Variants in PPP2R2B observed in about 807,000 individuals in gnomAD.
PPP2R2B encodes serine/threonine-protein phosphatase 2A 55 kDa regulatory subunit B beta isoform.
In PPP2R2B, 5 loss-of-function variants were observed where a neutral mutation model predicts 46.0. That is an observed-to-expected ratio of 0.11 (90% CI 0.06 to 0.23). PPP2R2B has a LOEUF of 0.23. Among genes scored for constraint, PPP2R2B ranks in the 10% least tolerant of loss-of-function variants. PPP2R2B has a pLI of 1.00. For synonymous variants in PPP2R2B, 215 were observed against 206.7 expected (o/e 1.04, Z -0.34); for missense variants, 367 against 575.0 (o/e 0.64, Z 3.70).
Position 146,678,806 on chromosome 5 carries a change from G to A in PPP2R2B, c.447+12322C>T, listed in dbSNP as rs1777922486. Among the ~76,000 whole-genome samples the A allele has an allele frequency of 1.6e-5, 2 of 123,810 alleles. 1 individual carries two copies. The highest frequency in any genetic ancestry group is 1.5e-4 in the Admixed American group (2 of 12,968). 81.2% of individuals were successfully genotyped at this position (123,810 alleles called of 152,430 possible). A position where few individuals can be genotyped will look rare whatever the true frequency, so the allele number is the denominator to read the frequency against. On this transcript the variant is annotated intron_variant, in intron 5 of 9. Transcript: ENST00000394411. ...CTCCCATTCACAATTGCTTCAAAGA[G>A]AATAAAATACCTAGGAATCCAACTT...
intron 2 of PPP2R2B, among the ~76,000 whole-genome samples, chr5:146,826,852 T>C (rs1188187488): frequency 6.6e-6 from 1 of 152,142 alleles, no homozygotes; most frequent in Non-Finnish European, 1.5e-5. Flanking sequence ...GCCTACACCA[T>C]ACATCTGTCA....
At chr5:146,951,148 T>C (rs1173130198) in intron 1 of PPP2R2B, among the ~76,000 whole-genome samples, 1 of 152,054 alleles carries the variant, frequency 6.6e-6, no homozygotes, top group Admixed American at 6.6e-5. Context: ...GCATTATTTC[T>C]GAGAATGGTA....
intron 1 of PPP2R2B, among the ~76,000 whole-genome samples, chr5:146,940,561 G>T (rs1384726513): frequency 6.6e-6 from 1 of 151,380 alleles, no homozygotes; most frequent in African/African-American, 2.4e-5. Flanking sequence ...TATCTAAAAA[G>T]GGAGCACAGT....
chr5:146,753,771 T>C (rs967689608), intron 2 of PPP2R2B, among the ~76,000 whole-genome samples: 5 of 152,156 alleles, frequency 3.3e-5, no homozygotes, highest in African/African-American at 4.8e-5. Context: ...TTCCTTTTCA[T>C]TGAAATCCAC....
At chr5:146,931,147 G>A (rs1043366643) in intron 1 of PPP2R2B, among the ~76,000 whole-genome samples, 3 of 152,128 alleles carry the variant, frequency 2.0e-5, no homozygotes, top group African/African-American at 7.2e-5. Flanking sequence ...ATAGTTGAAA[G>A]GAGGAGAAAG....
intron 2 of PPP2R2B, among the ~76,000 whole-genome samples, chr5:146,809,645 C>T (rs114171756): frequency 0.031 from 4,655 of 152,214 alleles, 85 homozygotes; most frequent in Non-Finnish European, 0.044. Flanking sequence ...AGGAGTGGGC[C>T]ACGAGGCTGT....
chr5:146,861,819 A>C (rs941239528), intron 2 of PPP2R2B, among the ~76,000 whole-genome samples: 18 of 150,400 alleles, frequency 1.2e-4, no homozygotes, highest in African/African-American at 3.7e-4. Context: ...TTTATCATGG[A>C]TGAAGCTACC....
At chr5:146,646,781 TATC>T (rs1241410595) in intron 6 of PPP2R2B, among the ~76,000 whole-genome samples, 1 of 152,170 alleles carries the variant, frequency 6.6e-6, no homozygotes. Flanking sequence ...TCTCAATAAT[TATC>T]ATGATTGTGC....
At chr5:146,978,162 C>T (rs920391867) in intron 1 of PPP2R2B, among the ~76,000 whole-genome samples, 23 of 152,160 alleles carry the variant, frequency 1.5e-4, no homozygotes, top group African/African-American at 5.6e-4. Context: ...TTGTTGGCCA[C>T]TTAAATGTCT....
chr5:146,636,700 C>G (rs986368231), intron 7 of PPP2R2B, among the ~76,000 whole-genome samples: 1 of 152,318 alleles, frequency 6.6e-6, no homozygotes, highest in Admixed American at 6.5e-5. Context: ...TAAGTACTCA[C>G]TGAATGCATG....
chr5:146,951,684 A>G lies in PPP2R2B; in HGVS notation c.79+103981T>C, dbSNP rs192875946. On this transcript the variant is annotated intron_variant, in intron 1 of 8. Coordinates refer to the PPP2R2B transcript ENST00000336640. Reference sequence around the variant, plus strand: ...CTTCATCCATGTCCCTGCAAAGGACATGATCTCATTCCTTTTTATGGCTGC... The same window carrying G: ...CTTCATCCATGTCCCTGCAAAGGACGTGATCTCATTCCTTTTTATGGCTGC... Among the ~76,000 whole-genome samples the G allele has an allele frequency of 4.5e-4, 69 of 152,258 alleles. 2 individuals are homozygous for G. Among genetic ancestry groups the G allele is most frequent in the Admixed American group, 3.3e-3 (50 of 15,272 alleles).
At chr5:146,837,099 T>C (rs1373162277) in intron 2 of PPP2R2B, among the ~76,000 whole-genome samples, 1 of 152,194 alleles carries the variant, frequency 6.6e-6, no homozygotes, top group East Asian at 1.9e-4. Flanking sequence ...GGTGATTTGA[T>C]TTAGGATTTT....
At chr5:146,842,923 T>C (rs1490103420) in intron 2 of PPP2R2B, among the ~76,000 whole-genome samples, 2 of 152,248 alleles carry the variant, frequency 1.3e-5, no homozygotes, top group African/African-American at 4.8e-5. Flanking sequence ...GCGCGGTGGC[T>C]CACGCCTGTA....
In PPP2R2B at chr5:146,770,645, T is replaced by C. The variant is rs546349233; in HGVS notation, c.71-69503A>G. ...GCACTATGATACTAAGAGAAAAATG[T>C]TAAGGGCAACAAGTCAGAGTTGAGG... On this transcript the variant is annotated intron_variant, in intron 2 of 9. Transcript: ENST00000394411. Among the ~76,000 whole-genome samples, 5 of 152,270 alleles carry C rather than the reference T, an allele frequency of 3.3e-5. No homozygotes were observed. In the South Asian group the frequency reaches 8.3e-4, roughly 25 times the overall value.
At chr5:146,796,057 C>T (rs190717957) in intron 2 of PPP2R2B, among the ~76,000 whole-genome samples, 43 of 152,278 alleles carry the variant, frequency 2.8e-4, no homozygotes, top group Non-Finnish European at 5.1e-4. Flanking sequence ...TCTGTTTCAC[C>T]TCTTCCACTG....
chr5:146,651,333 G>A (rs115361778), intron 5 of PPP2R2B, among the ~76,000 whole-genome samples: 17 of 152,234 alleles, frequency 1.1e-4, no homozygotes, highest in Non-Finnish European at 2.5e-4. Context: ...CTTAGAGTGC[G>A]AACCAGGTAG....
At chr5:146,689,634 A>G (rs919441102) in intron 5 of PPP2R2B, among the ~76,000 whole-genome samples, 2 of 152,208 alleles carry the variant, frequency 1.3e-5, no homozygotes, top group African/African-American at 4.8e-5. Flanking sequence ...TGACTGTCAT[A>G]TGCCCAAGGT....
At chr5:146,861,534 A>C (rs1202368624) in intron 2 of PPP2R2B, among the ~76,000 whole-genome samples, 5 of 152,218 alleles carry the variant, frequency 3.3e-5, no homozygotes, top group African/African-American at 1.2e-4. Context: ...ACTCAGGTGA[A>C]TATTCGCTAC....
chr5:146,977,214 C>G (rs1251617297), intron 1 of PPP2R2B, among the ~76,000 whole-genome samples: 1 of 151,958 alleles, frequency 6.6e-6, no homozygotes, highest in Non-Finnish European at 1.5e-5. Flanking sequence ...ATTGTAATAG[C>G]CTTTACTTTA....
Sources: gnomAD v4.1 joint callset for allele counts (sites outside exome capture counted in the v4.1 genomes callset) on GRCh38, gnomAD v4.1.1 for gene constraint, MANE v1.5 for transcripts, NCBI Gene and HGNC (gene_info 2026-07-23, HGNC 2026-07-21) for gene names.